The following PXDNL variants were observed in gnomAD, a reference collection of about 807,000 sequenced individuals.
PXDNL encodes peroxidasin like.
A neutral mutation model predicts 150.8 loss-of-function variants in PXDNL; 145 were observed. The ratio of observed to expected loss-of-function variants is 0.96; its 90% CI spans 0.84 to 1.10. PXDNL has a LOEUF of 1.10. PXDNL is among the 50% of genes least tolerant of loss of function. PXDNL has a pLI of 0.00. For synonymous variants in PXDNL, 757 were observed against 725.7 expected (o/e 1.04, Z -0.69); for missense variants, 2,087 against 1,873.9 (o/e 1.11, Z -2.10).
At chr8:51,669,326 T>C (rs1471420065) in intron 1 of PXDNL, among the ~76,000 whole-genome samples, 1 of 152,150 alleles carries the variant, frequency 6.6e-6, no homozygotes. Flanking sequence ...TTCTAGTAAC[T>C]AAAAAGAAAA....
chr8:51,671,354 A>C (rs901264599), intron 1 of PXDNL, among the ~76,000 whole-genome samples: 1 of 152,244 alleles, frequency 6.6e-6, no homozygotes, highest in African/African-American at 2.4e-5. Flanking sequence ...AAAATTTTAT[A>C]GTGTCCTCCT....
At chr8:51,597,889 T>A (rs1333717908) in intron 2 of PXDNL, among the ~76,000 whole-genome samples, 3 of 151,986 alleles carry the variant, frequency 2.0e-5, no homozygotes, top group Non-Finnish European at 4.4e-5. Flanking sequence ...TAATTTTGTA[T>A]TTCTAGCAGA....
At chr8:51,600,306 G>T (rs34875393) in intron 2 of PXDNL, among the ~76,000 whole-genome samples, 7 of 72,174 alleles carry the variant, frequency 9.7e-5, no homozygotes, top group African/African-American at 2.6e-4. Flanking sequence ...TAAATTATAT[G>T]GTTTAGATAA....
intron 3 of PXDNL, among the ~76,000 whole-genome samples, chr8:51,582,659 A>G (rs1402022229): frequency 6.6e-6 from 1 of 152,170 alleles, no homozygotes; most frequent in African/African-American, 2.4e-5. Context: ...TGATTTGAGC[A>G]GATAGAATGT....
intron 7 of PXDNL, among the ~76,000 whole-genome samples, chr8:51,473,374 T>C (rs1022466506): frequency 4.0e-5 from 6 of 151,384 alleles, no homozygotes; most frequent in African/African-American, 1.5e-4. Flanking sequence ...TGATGGATTA[T>C]AAAAAGGGAC....
Position 51,453,519 on chromosome 8 carries a change from C to G in PXDNL, c.1249G>C (p.Ala417Pro), listed in dbSNP as rs772987514. 1.9e-6 allele frequency: 3 copies of G among 1,613,824 alleles called. No individual in the cohort carries two copies. The Admixed American group carries it at 5.0e-5, about 27-fold the overall frequency. Reference protein sequence around the residue: ...VQAAANIIVQAPPQFTVTPKD... With the variant: ...VQAAANIIVQPPPQFTVTPKD... Reference sequence around the variant, plus strand: ...CAATCATGACCTTCTGCTCCCATACCTTGTACAATTATGTTTGCTGCAGCT... The same window carrying G: ...CAATCATGACCTTCTGCTCCCATACGTTGTACAATTATGTTTGCTGCAGCT... Residue 417 changes from alanine (A) to proline (P), a missense_variant and splice_region_variant, in exon 10 of 23, where the codon GCT (alanine) becomes CCT (proline). Transcript: ENST00000356297.
chr8:51,662,883 A>G (rs928419390), intron 1 of PXDNL, among the ~76,000 whole-genome samples: 11 of 152,348 alleles, frequency 7.2e-5, no homozygotes, highest in African/African-American at 2.6e-4. Flanking sequence ...AGGGGTGCAC[A>G]TTTCATCAAC....
At chr8:51,355,279 A>G (rs1806471868) in intron 19 of PXDNL, among the ~76,000 whole-genome samples, 1 of 152,328 alleles carries the variant, frequency 6.6e-6, no homozygotes, top group African/African-American at 2.4e-5. Context: ...ATTAGTTCAC[A>G]AACATAAGCA....
intron 1 of PXDNL, among the ~76,000 whole-genome samples, chr8:51,699,284 C>T (rs1816203405): frequency 6.6e-6 from 1 of 152,166 alleles, no homozygotes; most frequent in Non-Finnish European, 1.5e-5. Context: ...TTCTGGATAA[C>T]TCGATGCTAA....
chr8:51,799,464 T>C (rs1585759343), intron 1 of PXDNL, among the ~76,000 whole-genome samples: 1 of 152,226 alleles, frequency 6.6e-6, no homozygotes, highest in South Asian at 2.1e-4. Context: ...TAATTATTAC[T>C]ATAACCAACA....
intron 12 of PXDNL, among the ~76,000 whole-genome samples, chr8:51,432,574 G>T (rs985792563): frequency 5.3e-5 from 8 of 152,064 alleles, no homozygotes; most frequent in African/African-American, 1.9e-4. Context: ...CACAATTCTT[G>T]CACATCTTTT....
chr8:51,753,500 A>C (rs1220662786), intron 1 of PXDNL, among the ~76,000 whole-genome samples: 1 of 152,252 alleles, frequency 6.6e-6, no homozygotes. Flanking sequence ...TTAATCAAAA[A>C]AGAAGAGTAT....
At chr8:51,354,226 A>G (rs1194459694) in intron 19 of PXDNL, among the ~76,000 whole-genome samples, 1 of 152,144 alleles carries the variant, frequency 6.6e-6, no homozygotes, top group Admixed American at 6.5e-5. Context: ...ATTAATAATT[A>G]CAAATGTAAT....
intron 20 of PXDNL, among the ~76,000 whole-genome samples, chr8:51,345,621 A>T (rs1357839998): frequency 6.6e-6 from 1 of 152,192 alleles, no homozygotes; most frequent in Non-Finnish European, 1.5e-5. Context: ...AGAAAAATTC[A>T]TTGCCAAATA....
chr8:51,483,221 C>T (rs765356623), intron 6 of PXDNL, among the ~76,000 whole-genome samples: 1 of 152,110 alleles, frequency 6.6e-6, no homozygotes, highest in Non-Finnish European at 1.5e-5. Context: ...TTTTGTTTTG[C>T]TTAATGTAGG....
At position 51,792,208 on chromosome 8, in the gene PXDNL, TCC is replaced by T. The variant is rs1206015816; in HGVS notation, c.164+16971_164+16972del. 4.6e-5 allele frequency among the ~76,000 whole-genome samples: 7 copies of T among 151,344 alleles called. No homozygotes were observed. In the East Asian group the frequency reaches 1.4e-3, roughly 30 times the overall value. ...GAGAAGAATGAAAATGGCGAGTGAA[TCC>T]TGCACCACAACTGAGGTATCGAGGT... is the stretch of plus-strand genomic sequence containing the variant. On this transcript the variant is annotated intron_variant, in intron 1 of 22. Transcript: ENST00000356297.
In PXDNL at chr8:51,783,350, C is replaced by T. The variant is rs75315919; in HGVS notation, c.164+25831G>A. Among the ~76,000 whole-genome samples the T allele has an allele frequency of 4.9e-3, 745 of 152,274 alleles. 6 individuals are homozygous for T. Among genetic ancestry groups the T allele is most frequent in the African/African-American group, 0.017 (715 of 41,546 alleles). Reference sequence around the variant, plus strand: ...AGAAAACCTCCTTCTGCTGCTGAGTCGAATAACACGTAATGCCTTCACTAA... The same window carrying T: ...AGAAAACCTCCTTCTGCTGCTGAGTTGAATAACACGTAATGCCTTCACTAA... On this transcript the variant is annotated intron_variant, in intron 1 of 22. Coordinates refer to ENST00000356297, the MANE Select transcript of PXDNL (RefSeq NM_144651.5).
chr8:51,742,782 T>C (rs920907906), intron 1 of PXDNL, among the ~76,000 whole-genome samples: 3 of 152,140 alleles, frequency 2.0e-5, no homozygotes, highest in African/African-American at 7.2e-5. Flanking sequence ...ACAGTAGGCA[T>C]TTCATGATTG....
chr8:51,677,641 G>T (rs1203368230), intron 1 of PXDNL, among the ~76,000 whole-genome samples: 4 of 152,150 alleles, frequency 2.6e-5, no homozygotes, highest in Non-Finnish European at 5.9e-5. Context: ...CAATTATTTT[G>T]AAGTCACCAT....
Sources: gnomAD v4.1 joint callset for allele counts (sites outside exome capture counted in the v4.1 genomes callset) on GRCh38, gnomAD v4.1.1 for gene constraint, MANE v1.5 for transcripts, NCBI Gene and HGNC (gene_info 2026-07-23, HGNC 2026-07-21) for gene names.